Variants in TTC7B observed in about 807,000 individuals in gnomAD.
The protein encoded by TTC7B is tetratricopeptide repeat domain 7B, also known as tetratricopeptide repeat protein 7B.
A neutral mutation model predicts 106.8 loss-of-function variants in TTC7B; 28 were observed. The ratio of observed to expected loss-of-function variants is 0.26; its 90% CI spans 0.19 to 0.36. The LOEUF (loss-of-function observed/expected upper bound fraction) is 0.36, where lower values mean the gene tolerates loss of function less well. Among genes scored for constraint, TTC7B ranks in the 10% least tolerant of loss-of-function variants. TTC7B has a pLI of 1.00. For synonymous variants in TTC7B, 405 were observed against 430.6 expected (o/e 0.94, Z 0.74); for missense variants, 862 against 1,076.4 (o/e 0.80, Z 2.79).
chr14:90,695,222 CATTTTATTATAAAACATGTAT>C (rs1887689387), intron 6 of TTC7B, among the ~76,000 whole-genome samples: 1 of 133,290 alleles, frequency 7.5e-6, no homozygotes, highest in African/African-American at 2.8e-5. Flanking sequence ...ATTTTATATA[CATTTTATTATAAAACATGTAT>C]ATTTTATATA....
chr14:90,724,261 T>C (rs1278818672), intron 5 of TTC7B, among the ~76,000 whole-genome samples: 1 of 152,216 alleles, frequency 6.6e-6, no homozygotes, highest in East Asian at 1.9e-4. Flanking sequence ...TGGCTTATTT[T>C]AATTCCTAAT....
In TTC7B at chr14:90,600,679, G is replaced by A. The variant is rs1194485759; in HGVS notation, c.1967-7053C>T. Among the ~76,000 whole-genome samples, 3 of 152,340 alleles carry A rather than the reference G, an allele frequency of 2.0e-5. No homozygotes were observed. The highest frequency in any genetic ancestry group is 6.5e-5 in the Admixed American group (1 of 15,304). On this transcript the variant is annotated intron_variant, in intron 17 of 19. Transcript: ENST00000328459. This position sits in a 1 kb window ranked among gnomAD's most constrained non-coding sequence, Gnocchi z 4.3. Reference sequence around the variant, plus strand: ...GGAGGGCCGGGGACATGTCATCACCGGTGGGCATGCGGGGCTAGCGCAGCA... The same window carrying A: ...GGAGGGCCGGGGACATGTCATCACCAGTGGGCATGCGGGGCTAGCGCAGCA...
chr14:90,562,359 A>G (rs1239842238), intron 19 of TTC7B, among the ~76,000 whole-genome samples: 2 of 152,136 alleles, frequency 1.3e-5, no homozygotes, highest in African/African-American at 4.8e-5. Context: ...TCCCTTTTCA[A>G]TACTCCCACC....
chr14:90,797,797 T>C (rs554524926), intron 1 of TTC7B, among the ~76,000 whole-genome samples: 1 of 152,290 alleles, frequency 6.6e-6, no homozygotes, highest in East Asian at 1.9e-4. Flanking sequence ...CTACTGGTCA[T>C]AGCAAAAGAT....
At chr14:90,741,418 G>A (rs1199414694) in intron 4 of TTC7B, among the ~76,000 whole-genome samples, 1 of 152,118 alleles carries the variant, frequency 6.6e-6, no homozygotes, top group Non-Finnish European at 1.5e-5. Context: ...AGGCCCACAG[G>A]CCCCAGCGAG....
chr14:90,734,422 A>C (rs1010246023), intron 4 of TTC7B, among the ~76,000 whole-genome samples: 3 of 56,338 alleles, frequency 5.3e-5, no homozygotes, highest in African/African-American at 8.3e-5. Context: ...TCTGTCTCCC[A>C]AAAAAAAAAA....
chr14:90,712,239 G>A (rs1888476646), intron 5 of TTC7B, among the ~76,000 whole-genome samples: 1 of 152,140 alleles, frequency 6.6e-6, no homozygotes, highest in Non-Finnish European at 1.5e-5. Flanking sequence ...AATACAATAA[G>A]GATGTCTGCT....
In TTC7B at chr14:90,663,531, A is replaced by T. The variant is rs539321642; in HGVS notation, c.1153-5144T>A. Among the ~76,000 whole-genome samples the T allele has an allele frequency of 6.6e-6, 1 of 152,106 alleles. No individual in the cohort carries two copies. The highest frequency in any genetic ancestry group is 1.5e-5 in the Non-Finnish European group (1 of 68,008). ...TTTCCAGCTAGTAGAAGTGTCAATC[A>T]ACTTTACTGATCCCACGATATCCAC... On this transcript the variant is annotated intron_variant, in intron 9 of 19. Coordinates refer to ENST00000328459, the MANE Select transcript of TTC7B (RefSeq NM_001010854.2). This position sits in a 1 kb window ranked among gnomAD's most constrained non-coding sequence, Gnocchi z 4.5.
chr14:90,643,984 GC>G, intron 15 of TTC7B, 63 bp downstream of exon 15: 1 of 1,582,914 alleles, frequency 6.3e-7, no homozygotes, highest in Non-Finnish European at 8.7e-7. Flanking sequence ...TGGAAAGAAG[GC>G]AGGGGAAGAA....
In TTC7B at chr14:90,816,390, G is replaced by T; in HGVS notation, c.-95C>A. ...CCTCCCGCCGCCGCCGCGGGCTCGG[G>T]CTCCGGCTCCCGGCTCCGCGGCGTA... On this transcript the variant is annotated 5_prime_UTR_variant, in exon 1 of 20. Transcript: ENST00000328459. 1.5e-6 allele frequency: 1 copy of T among 680,558 alleles called. No individual in the cohort carries two copies. The highest frequency in any genetic ancestry group is 1.8e-6 in the Non-Finnish European group (1 of 554,850). The allele number at this position is 680,558 out of a possible 1,614,324, so 42.2% of individuals were successfully genotyped here. A position where few individuals can be genotyped will look rare whatever the true frequency, so the allele number is the denominator to read the frequency against.
At chr14:90,744,461 A>G (rs1290659779) in intron 4 of TTC7B, among the ~76,000 whole-genome samples, 8 of 152,030 alleles carry the variant, frequency 5.3e-5, no homozygotes, top group African/African-American at 9.7e-5. Flanking sequence ...GATGCCCGCC[A>G]CCATGCCCAG....
intron 15 of TTC7B, among the ~76,000 whole-genome samples, chr14:90,623,839 G>A (rs1256043985): frequency 2.0e-5 from 3 of 152,310 alleles, no homozygotes; most frequent in South Asian, 4.1e-4. Flanking sequence ...TGACCAACAT[G>A]GTGAAACCCC....
In TTC7B at chr14:90,742,880, G is replaced by C. The variant is rs538301914; in HGVS notation, c.576+1912C>G. On this transcript the variant is annotated intron_variant, in intron 4 of 19. Transcript: ENST00000328459. The surrounding 1 kb of genome is among the most constrained non-coding windows in gnomAD (Gnocchi z 4.1). ...TAACACATGAGCCTCCTTTCTCCCA[G>C]CCGGGAGAAGACGGCTCCAAAGTGA... Among the ~76,000 whole-genome samples the C allele has an allele frequency of 6.6e-6, 1 of 152,290 alleles. No homozygotes were observed. The highest frequency in any genetic ancestry group is 2.4e-5 in the African/African-American group (1 of 41,562).
chr14:90,678,598 A>G (rs1037111092), intron 8 of TTC7B, among the ~76,000 whole-genome samples: 1 of 152,228 alleles, frequency 6.6e-6, no homozygotes, highest in Non-Finnish European at 1.5e-5. Context: ...CTCATCCTTC[A>G]TATCCACTGA....
intron 9 of TTC7B, 38 bp downstream of exon 9, chr14:90,676,485 C>A (rs757622647): frequency 6.2e-7 from 1 of 1,606,220 alleles, no homozygotes; most frequent in African/African-American, 1.3e-5. Flanking sequence ...GCAACTGCCA[C>A]CCACCACCTG....
rs892004441 is a variant in TTC7B, at chr14:90,532,779, C to A, written c.*8589G>T. ...CCGTGGCTGAACACAGGCAGGAAGG[C>A]CTCACTGCCACCTGGGTGGGTGGAG... On this transcript the variant is annotated 3_prime_UTR_variant, in exon 20 of 20. Coordinates refer to ENST00000328459, the MANE Select transcript of TTC7B (RefSeq NM_001010854.2). 2 of 152,274 alleles carry A rather than the reference C, an allele frequency of 1.3e-5. No homozygotes were observed. Among genetic ancestry groups the A allele is most frequent in the African/African-American group, 4.8e-5 (2 of 41,426 alleles). The allele number at this position is 152,274 out of a possible 1,614,324, so 9.4% of individuals were successfully genotyped here. A position where few individuals can be genotyped will look rare whatever the true frequency, so the allele number is the denominator to read the frequency against.
intron 5 of TTC7B, among the ~76,000 whole-genome samples, chr14:90,719,858 A>G (rs1566854548): frequency 1.3e-5 from 2 of 152,222 alleles, no homozygotes; most frequent in East Asian, 1.9e-4. Context: ...AAAATAAAGC[A>G]GAGAATAAAG....
At chr14:90,746,930 C>T (rs1009392861) in intron 3 of TTC7B, among the ~76,000 whole-genome samples, 38 of 152,172 alleles carry the variant, frequency 2.5e-4, no homozygotes, top group Admixed American at 2.5e-3. Context: ...TTGGGATGTT[C>T]AAACCCTGTA....
At chr14:90,718,925 G>T (rs1888769133) in intron 5 of TTC7B, among the ~76,000 whole-genome samples, 2 of 151,668 alleles carry the variant, frequency 1.3e-5, no homozygotes, top group South Asian at 4.2e-4. Context: ...AAATACAAAT[G>T]GGGGCAAAGG....
Sources: gnomAD v4.1 joint callset for allele counts (sites outside exome capture counted in the v4.1 genomes callset) on GRCh38, gnomAD v4.1.1 for gene constraint, Gnocchi (gnomAD v3.1) non-coding constraint, MANE v1.5 for transcripts, NCBI Gene and HGNC (gene_info 2026-07-23, HGNC 2026-07-21) for gene names.